MARCHF1: variants seen among roughly 807,000 people sequenced by gnomAD.
MARCHF1 encodes the protein membrane associated ring-CH-type finger 1.
Under a neutral mutation model 54.2 loss-of-function variants are expected in MARCHF1, and 40 were observed. The observed-to-expected ratio is 0.74, with a 90% CI of 0.57 to 0.96. The LOEUF (loss-of-function observed/expected upper bound fraction) is 0.96, where lower values mean the gene tolerates loss of function less well. Among genes scored for constraint, MARCHF1 ranks in the 40% least tolerant of loss-of-function variants. The pLI, the probability that MARCHF1 is intolerant of heterozygous loss-of-function variation, is 0.00. For missense variants in MARCHF1, 586 were observed against 656.5 expected, an observed-to-expected ratio of 0.89 and a Z score of 1.17; for synonymous variants, 236 against 236.3, an observed-to-expected ratio of 1.00 and a Z score of 0.01.
At chr4:164,176,980 C>CTCTCTCTCTATA (rs1466683245) in intron 1 of MARCHF1, among the ~76,000 whole-genome samples, 37 of 58,890 alleles carry the variant, frequency 6.3e-4, no homozygotes, top group African/African-American at 2.5e-3. Context: ...CTCTCTCTCT[C>CTCTCTCTCTATA]TATATATATA....
chr4:163,813,457 A>T (rs972327484), intron 4 of MARCHF1, among the ~76,000 whole-genome samples: 1 of 152,178 alleles, frequency 6.6e-6, no homozygotes, highest in African/African-American at 2.4e-5. Flanking sequence ...CACAGCATGA[A>T]TTTTTGGGTA....
chr4:163,614,166 T>C (rs114763601), intron 5 of MARCHF1, among the ~76,000 whole-genome samples: 2,863 of 152,236 alleles, frequency 0.019, 92 homozygotes, highest in African/African-American at 0.061. Context: ...TTCCAGGCAT[T>C]GTGCTGTAGC....
chr4:164,099,483 C>T (rs1400645242), intron 2 of MARCHF1, among the ~76,000 whole-genome samples: 3 of 152,098 alleles, frequency 2.0e-5, no homozygotes, highest in Non-Finnish European at 4.4e-5. Context: ...GAGATAAGCT[C>T]TATTTCCTAG....
chr4:163,809,149 T>C (rs1173984321), intron 4 of MARCHF1, among the ~76,000 whole-genome samples: 1 of 152,172 alleles, frequency 6.6e-6, no homozygotes, highest in African/African-American at 2.4e-5. Context: ...AACACACGAT[T>C]TTAAACTTTA....
intron 2 of MARCHF1, among the ~76,000 whole-genome samples, chr4:164,101,781 G>A (rs1419312323): frequency 1.3e-5 from 2 of 149,294 alleles, no homozygotes; most frequent in Non-Finnish European, 3.0e-5. Flanking sequence ...TTGACGAGCT[G>A]AGAGAAGAAG....
chr4:163,719,528 T>C (rs1356542184), intron 4 of MARCHF1, among the ~76,000 whole-genome samples: 1 of 152,160 alleles, frequency 6.6e-6, no homozygotes, highest in Non-Finnish European at 1.5e-5. Context: ...TGTTTTGTAA[T>C]CCTTTGGGTA....
chr4:163,731,019 T>G (rs1376502416), intron 4 of MARCHF1, among the ~76,000 whole-genome samples: 1 of 152,200 alleles, frequency 6.6e-6, no homozygotes, highest in East Asian at 1.9e-4. Context: ...ATATACTTAT[T>G]TGTGGAATGA....
chr4:163,694,804 G>A (rs372897672), intron 5 of MARCHF1, among the ~76,000 whole-genome samples: 1 of 152,018 alleles, frequency 6.6e-6, no homozygotes. Context: ...AAATGAGATC[G>A]CCCAAGGAGT....
intron 4 of MARCHF1, among the ~76,000 whole-genome samples, chr4:163,783,360 G>T (rs1363723571): frequency 2.6e-5 from 4 of 152,210 alleles, no homozygotes; most frequent in African/African-American, 9.6e-5. Context: ...TTTAACATAA[G>T]TCATTACATA....
intron 1 of MARCHF1, among the ~76,000 whole-genome samples, chr4:164,326,028 GA>G (rs766744758): frequency 5.3e-5 from 8 of 152,038 alleles, no homozygotes; most frequent in Non-Finnish European, 8.8e-5. Context: ...ATAAGTGCTT[GA>G]AAACATTTCT....
chr4:164,137,099 A>T (rs1193126995), intron 1 of MARCHF1, among the ~76,000 whole-genome samples: 1 of 152,226 alleles, frequency 6.6e-6, no homozygotes, highest in Non-Finnish European at 1.5e-5. Context: ...TTGAAATTTG[A>T]ACATGCCAAG....
chr4:164,196,950 A>G, intron 1 of MARCHF1: 1 of 1,596,424 alleles, frequency 6.3e-7, no homozygotes, highest in Non-Finnish European at 8.6e-7. Flanking sequence ...CACAATAGGA[A>G]TTTTTCAAAA....
intron 1 of MARCHF1, among the ~76,000 whole-genome samples, chr4:164,164,410 A>C (rs1455584131): frequency 6.6e-6 from 1 of 151,984 alleles, no homozygotes; most frequent in African/African-American, 2.4e-5. Context: ...GGCATAAGAC[A>C]CTACATATAT....
intron 3 of MARCHF1, among the ~76,000 whole-genome samples, chr4:163,973,330 C>G (rs1752586772): frequency 6.6e-6 from 1 of 152,226 alleles, no homozygotes; most frequent in Admixed American, 6.5e-5. Flanking sequence ...CAGCTGGGAG[C>G]TGGTTGTTCT....
chr4:164,304,261 G>C (rs17676501), intron 1 of MARCHF1, among the ~76,000 whole-genome samples: 1,666 of 152,266 alleles, frequency 0.011, 30 homozygotes, highest in African/African-American at 0.038. Flanking sequence ...AGTTACAGGG[G>C]AAAAACACAA....
At position 163,711,805 on chromosome 4, in the gene MARCHF1, C is replaced by T. The variant is rs1745115501; in HGVS notation, c.112-10942G>A. 1.3e-5 allele frequency among the ~76,000 whole-genome samples: 2 copies of T among 152,178 alleles called. 1 individual carries two copies. Among genetic ancestry groups the T allele is most frequent in the South Asian group, 4.1e-4 (2 of 4,828 alleles). ...TCTTATATTTTCAATATATTCTGCT[C>T]ATACTCATTGCAAATTGACTATTAA... On this transcript the variant is annotated intron_variant, in intron 4 of 9. Coordinates refer to ENST00000514618, the MANE Select transcript of MARCHF1 (RefSeq NM_001394959.1).
intron 3 of MARCHF1, among the ~76,000 whole-genome samples, chr4:163,869,126 G>T (rs1274004713): frequency 2.6e-5 from 4 of 151,166 alleles, no homozygotes; most frequent in African/African-American, 9.7e-5. Flanking sequence ...CCCAAAAAAA[G>T]ATCTCTAGAG....
intron 8 of MARCHF1, among the ~76,000 whole-genome samples, chr4:163,553,340 A>T (rs1224182327): frequency 6.6e-6 from 1 of 152,228 alleles, no homozygotes; most frequent in Non-Finnish European, 1.5e-5. Flanking sequence ...TTAATGCGTC[A>T]TGCTGATAAC....
chr4:163,902,027 A>AG (rs1336491556), intron 3 of MARCHF1, among the ~76,000 whole-genome samples: 1 of 152,234 alleles, frequency 6.6e-6, no homozygotes, highest in African/African-American at 2.4e-5. Context: ...GTGAGGATCA[A>AG]ACTCTGCTTA....
Sources: gnomAD v4.1 joint callset for allele counts (sites outside exome capture counted in the v4.1 genomes callset) on GRCh38, gnomAD v4.1.1 for gene constraint, MANE v1.5 for transcripts, NCBI Gene and HGNC (gene_info 2026-07-23, HGNC 2026-07-21) for gene names.